GRM7: variants seen among roughly 807,000 people sequenced by gnomAD.
GRM7 encodes the protein metabotropic glutamate receptor 7.
In GRM7, 35 loss-of-function variants were observed where a neutral mutation model predicts 84.5. The ratio of observed to expected loss-of-function variants is 0.41; its 90% CI spans 0.32 to 0.55. The LOEUF (loss-of-function observed/expected upper bound fraction) is 0.55, where lower values mean the gene tolerates loss of function less well. GRM7 is among the 20% of genes least tolerant of loss of function. The pLI is 0.19. For synonymous variants in GRM7, 487 were observed against 455.1 expected (o/e 1.07, Z -0.89); for missense variants, 1,003 against 1,194.6 (o/e 0.84, Z 2.36).
At chr3:7,280,259 A>T (rs1290275971) in intron 2 of GRM7, among the ~76,000 whole-genome samples, 1 of 152,246 alleles carries the variant, frequency 6.6e-6, no homozygotes. Flanking sequence ...CTAGATGGAA[A>T]GTCCTTGGTC....
intron 2 of GRM7, among the ~76,000 whole-genome samples, chr3:7,204,721 C>A (rs1696179057): frequency 6.6e-6 from 1 of 152,210 alleles, no homozygotes; most frequent in South Asian, 2.1e-4. Context: ...ATTGGGACTG[C>A]CAGACAGACC....
intron 1 of GRM7, among the ~76,000 whole-genome samples, chr3:6,901,426 C>T (rs1469920813): frequency 6.6e-6 from 1 of 151,654 alleles, no homozygotes; most frequent in Admixed American, 6.6e-5. Context: ...GGTGAAACCC[C>T]ATCTCTACTA....
chr3:6,947,087 A>G (rs942277014), intron 1 of GRM7, among the ~76,000 whole-genome samples: 3 of 152,146 alleles, frequency 2.0e-5, no homozygotes, highest in African/African-American at 7.2e-5. Context: ...TTCCAACACT[A>G]TGTTGAATAC....
At chr3:7,496,753 G>C (rs184683094) in intron 7 of GRM7, among the ~76,000 whole-genome samples, 1 of 151,566 alleles carries the variant, frequency 6.6e-6, no homozygotes, top group Admixed American at 6.6e-5. Context: ...CAACTGCATC[G>C]AATTAAGAAA....
At chr3:6,994,958 A>G (rs17752415) in intron 1 of GRM7, among the ~76,000 whole-genome samples, 4,967 of 152,326 alleles carry the variant, frequency 0.033, 167 homozygotes, top group Admixed American at 0.096. Flanking sequence ...CATAGGTTAC[A>G]CTTTACCATC....
At chr3:7,224,647 T>C (rs1696921562) in intron 2 of GRM7, among the ~76,000 whole-genome samples, 1 of 152,188 alleles carries the variant, frequency 6.6e-6, no homozygotes, top group Non-Finnish European at 1.5e-5. Context: ...TTCAAATTAA[T>C]CCTCCAAACC....
intron 1 of GRM7, among the ~76,000 whole-genome samples, chr3:6,956,979 T>C (rs1049629465): frequency 5.3e-5 from 8 of 152,242 alleles, no homozygotes; most frequent in Admixed American, 2.6e-4. Context: ...GTTTACATCA[T>C]GCTGAATATC....
At chr3:7,132,835 T>G (rs928024267) in intron 1 of GRM7, among the ~76,000 whole-genome samples, 6 of 152,206 alleles carry the variant, frequency 3.9e-5, no homozygotes, top group Non-Finnish European at 7.3e-5. Flanking sequence ...TTCTGTTAAG[T>G]GCACTTTATT....
intron 2 of GRM7, among the ~76,000 whole-genome samples, chr3:7,156,188 A>C (rs1252501499): frequency 6.6e-6 from 1 of 152,186 alleles, no homozygotes; most frequent in Non-Finnish European, 1.5e-5. Flanking sequence ...CAAAAAGATC[A>C]TGAGAGTAGA....
intron 5 of GRM7, among the ~76,000 whole-genome samples, chr3:7,429,400 A>G (rs1696740266): frequency 6.6e-6 from 1 of 152,196 alleles, no homozygotes; most frequent in East Asian, 1.9e-4. Context: ...AAAGCACTCT[A>G]CTAATTTATT....
intron 8 of GRM7, among the ~76,000 whole-genome samples, chr3:7,642,761 A>G (rs1013325096): frequency 1.4e-4 from 22 of 152,238 alleles, no homozygotes; most frequent in Non-Finnish European, 2.1e-4. Flanking sequence ...ACAGCCAAAC[A>G]TAATGCAAAT....
chr3:7,476,580 A>G (rs1044180048), intron 7 of GRM7, among the ~76,000 whole-genome samples: 4 of 152,076 alleles, frequency 2.6e-5, no homozygotes, highest in African/African-American at 9.7e-5. Context: ...AAGAAAAGTG[A>G]CTAGGACAGT....
chr3:7,610,204 C>T (rs573883805), intron 8 of GRM7, among the ~76,000 whole-genome samples: 2 of 152,244 alleles, frequency 1.3e-5, no homozygotes, highest in Non-Finnish European at 2.9e-5. Flanking sequence ...GGACTTTAAT[C>T]CTTAGCGGTC....
intron 5 of GRM7, among the ~76,000 whole-genome samples, chr3:7,444,438 T>G (rs1198746873): frequency 6.6e-6 from 1 of 152,210 alleles, no homozygotes; most frequent in African/African-American, 2.4e-5. Context: ...TGTGCTTCTT[T>G]AGGAAACCAT....
At chr3:7,194,927 A>G (rs1223695576) in intron 2 of GRM7, among the ~76,000 whole-genome samples, 1 of 152,118 alleles carries the variant, frequency 6.6e-6, no homozygotes, top group Admixed American at 6.6e-5. Flanking sequence ...TCTTACCTCA[A>G]CAGACTAATG....
chr3:7,217,419 A>C (rs1442903219), intron 2 of GRM7, among the ~76,000 whole-genome samples: 1 of 152,176 alleles, frequency 6.6e-6, no homozygotes, highest in African/African-American at 2.4e-5. Context: ...GAGTCTCACT[A>C]CGGACTTTTA....
rs562566779 is a variant in GRM7, at chr3:6,923,614, G to GT, written c.519+61714dup. ...TAACTTTTACTATATCTATGATAGG[G>GT]TTTTTTTCCCCCTGCACTGGGACTG... is the stretch of plus-strand genomic sequence containing the variant. On this transcript the variant is annotated intron_variant, in intron 1 of 9. Transcript: ENST00000357716. 1.2e-3 allele frequency among the ~76,000 whole-genome samples: 190 copies of GT among 152,158 alleles called. 1 individual carries two copies. Among genetic ancestry groups the GT allele is most frequent in the African/African-American group, 4.3e-3 (180 of 41,530 alleles).
At chr3:7,471,373 T>C (rs1366486241) in intron 7 of GRM7, among the ~76,000 whole-genome samples, 1 of 152,144 alleles carries the variant, frequency 6.6e-6, no homozygotes, top group Middle Eastern at 3.2e-3. Context: ...AGAATCTATT[T>C]CTGCTCATTC....
At chr3:7,364,196 T>C (rs1436979960) in intron 4 of GRM7, among the ~76,000 whole-genome samples, 2 of 151,854 alleles carry the variant, frequency 1.3e-5, no homozygotes, top group African/African-American at 4.8e-5. Context: ...CCTTGTTAGA[T>C]GTATATATAT....
Sources: allele counts gnomAD v4.1 joint callset (sites outside exome capture counted in the v4.1 genomes callset), GRCh38; gene constraint gnomAD v4.1.1; transcripts MANE v1.5; gene names NCBI Gene and HGNC (gene_info 2026-07-23, HGNC 2026-07-21).